MMRN1: variants seen among roughly 807,000 people sequenced by gnomAD.
The protein encoded by MMRN1 is multimerin-1.
In MMRN1, 94 loss-of-function variants were observed where a neutral mutation model predicts 100.7. The observed-to-expected ratio is 0.93, with a 90% CI of 0.79 to 1.11. The LOEUF is 1.11. MMRN1 is among the 50% of genes least tolerant of loss of function. The pLI, the probability that MMRN1 is intolerant of heterozygous loss-of-function variation, is 0.00. For synonymous variants in MMRN1, 575 were observed against 505.0 expected (o/e 1.14, Z -1.86); for missense variants, 1,606 against 1,439.1 (o/e 1.12, Z -1.88).
chr4:89,950,606 A>C (rs1267951696), intron 6 of MMRN1, among the ~76,000 whole-genome samples: 1 of 152,170 alleles, frequency 6.6e-6, no homozygotes, highest in Non-Finnish European at 1.5e-5. Flanking sequence ...ATATGCTTTA[A>C]AACTTTTAGT....
chr4:89,937,435 A>G (rs914970802), intron 6 of MMRN1, among the ~76,000 whole-genome samples: 6 of 152,116 alleles, frequency 3.9e-5, no homozygotes, highest in African/African-American at 1.4e-4. Context: ...AATATTGGCA[A>G]GAGCCATAGA....
At chr4:89,937,603 G>T (rs1722687199) in intron 6 of MMRN1, among the ~76,000 whole-genome samples, 1 of 152,002 alleles carries the variant, frequency 6.6e-6, no homozygotes, top group African/African-American at 2.4e-5. Flanking sequence ...TAGGTAAAAA[G>T]TTCACCTCTC....
chr4:89,952,577 C>G (rs1723214068), intron 7 of MMRN1, among the ~76,000 whole-genome samples: 1 of 152,164 alleles, frequency 6.6e-6, no homozygotes, highest in Non-Finnish European at 1.5e-5. Flanking sequence ...AACTGCTTGA[C>G]AAGGTGCCGG....
chr4:89,929,291 A>G (rs964367379), intron 5 of MMRN1, among the ~76,000 whole-genome samples: 1 of 152,208 alleles, frequency 6.6e-6, no homozygotes, highest in Non-Finnish European at 1.5e-5. Context: ...GATTTAAAAA[A>G]GATAAATAGG....
At chr4:89,942,802 AT>A (rs1399613679) in intron 6 of MMRN1, among the ~76,000 whole-genome samples, 1 of 152,134 alleles carries the variant, frequency 6.6e-6, no homozygotes, top group African/African-American at 2.4e-5. Context: ...ATGAAAAAAA[AT>A]GATCGCATGT....
chr4:89,903,273 A>G (rs1052041571), intron 1 of MMRN1, among the ~76,000 whole-genome samples: 1 of 151,824 alleles, frequency 6.6e-6, no homozygotes, highest in Non-Finnish European at 1.5e-5. Context: ...GAAAAAATAA[A>G]GATTTCAATA....
At chr4:89,917,676 T>C (rs1415046985) in intron 3 of MMRN1, among the ~76,000 whole-genome samples, 2 of 151,912 alleles carry the variant, frequency 1.3e-5, no homozygotes, top group African/African-American at 4.8e-5. Context: ...AGCTAAATGA[T>C]GTCCTTGTCA....
rs1578463095 is a variant in MMRN1, at chr4:89,895,116, A to G, written c.145A>G (p.Ile49Val). Residue 49 changes from isoleucine (I) to valine (V), a missense_variant, in exon 1 of 8, where the codon ATA (isoleucine) becomes GTA (valine). Physicochemically the swap from Ile to Val is conservative, Grantham distance 29. Coordinates refer to ENST00000264790, the MANE Select transcript of MMRN1 (RefSeq NM_007351.3). ...MPSASVPPNK[I>V]QSLQILPTTR... ...TTCTGCTTCAGTTCCTCCAAATAAA[A>G]TACAAAGTTTGCAAATACTGCCAAC... 6.2e-7 allele frequency: 1 copy of G among 1,613,900 alleles called. No individual in the cohort carries two copies. The highest frequency in any genetic ancestry group is 8.5e-7 in the Non-Finnish European group (1 of 1,179,904).
intron 4 of MMRN1, among the ~76,000 whole-genome samples, chr4:89,925,428 G>A (rs890606732): frequency 3.4e-5 from 5 of 145,676 alleles, no homozygotes; most frequent in Admixed American, 1.4e-4. Flanking sequence ...GACTACAGCC[G>A]TGAGCCACTG....
chr4:89,946,453 A>G (rs1351984359), intron 6 of MMRN1, among the ~76,000 whole-genome samples: 2 of 152,258 alleles, frequency 1.3e-5, no homozygotes, highest in Admixed American at 1.3e-4. Context: ...TAAAATTAAA[A>G]TAAAAGTATA....
intron 5 of MMRN1, among the ~76,000 whole-genome samples, chr4:89,934,037 T>C (rs1372434713): frequency 6.6e-6 from 1 of 152,098 alleles, no homozygotes; most frequent in Non-Finnish European, 1.5e-5. Context: ...TTTTTCATGC[T>C]ACATTTAGAG....
Position 89,936,241 on chromosome 4 carries a change from T to G in MMRN1, c.2561T>G (p.Ile854Ser). 2 of 1,603,758 alleles carry G rather than the reference T, an allele frequency of 1.2e-6. No homozygotes were observed. Among genetic ancestry groups the G allele is most frequent in the Non-Finnish European group, 1.7e-6 (2 of 1,177,264 alleles). Residue 854 changes from isoleucine to serine, a missense_variant, in exon 6 of 8, where the codon ATT becomes AGT. By Grantham distance (142) the Ile-to-Ser change is moderately radical. Transcript: ENST00000264790. ...GAAAAACTACTCTTAACTACCAAGA[T>G]TTCCAAAAATTTTGAGACTCGGTTG... ...LEEKLLLTTK[I>S]SKNFETRLQD... is the part of the protein sequence containing the mutation.
At position 89,895,595 on chromosome 4, in the gene MMRN1, G is replaced by A. The variant is rs759759352; in HGVS notation, c.623+1G>A. On this transcript the variant is annotated splice_donor_variant, in intron 1 of 7. Coordinates refer to ENST00000264790, the MANE Select transcript of MMRN1 (RefSeq NM_007351.3). LOFTEE classifies it high-confidence loss of function. ...CAAATTTCGAAACAACTAGAGGAAA[G>A]TAAGAAATCTTCTTTTCTTTTTGTT... 6.2e-7 allele frequency: 1 copy of A among 1,611,204 alleles called. No individual in the cohort carries two copies. The highest frequency in any genetic ancestry group is 8.5e-7 in the Non-Finnish European group (1 of 1,178,520).
Position 89,934,919 on chromosome 4 carries a change from A to G in MMRN1, c.1239A>G (p.Val413=), listed in dbSNP as rs771405386. The G allele has an allele frequency of 1.2e-6, 2 of 1,613,626 alleles. No homozygotes were observed. The highest frequency in any genetic ancestry group is 2.2e-5 in the East Asian group (1 of 44,860). ...QETVAQLFKT[V]SSLSEDLEST... is the part of the protein sequence containing the mutation. ...CTGTAGCACAGCTCTTCAAGACTGT[A>G]TCAAGTCTATCAGAGGACCTCGAAA... The change falls in exon 6 of 8, where the codon GTA becomes GTG. Residue 413 remains valine, a synonymous_variant. Coordinates refer to ENST00000264790, the MANE Select transcript of MMRN1 (RefSeq NM_007351.3).
intron 6 of MMRN1, 74 bp from the exon 7 acceptor site, chr4:89,951,531 C>G (rs971538568): frequency 7.2e-7 from 1 of 1,394,278 alleles, no homozygotes; most frequent in African/African-American, 1.5e-5. Flanking sequence ...TATTCTGCTG[C>G]AAACTACGAT....
upstream of MMRN1, among the ~76,000 whole-genome samples, chr4:89,892,649 C>T (rs762915226): frequency 2.6e-5 from 4 of 151,820 alleles, no homozygotes; most frequent in Non-Finnish European, 5.9e-5. Context: ...GATACAGAAC[C>T]TTTAGCCTTT....
chr4:89,895,041 A>C lies in MMRN1; in HGVS notation c.70A>C (p.Lys24Gln). 6.2e-7 allele frequency: 1 copy of C among 1,613,918 alleles called. No homozygotes were observed. The highest frequency in any genetic ancestry group is 8.5e-7 in the Non-Finnish European group (1 of 1,179,862). ...TGGGGGCATTGGGCTTAACAACAGT[A>C]AGCATTCTTGGACTATACCTGAGGA... The part of the protein sequence containing the change: ...WSGGIGLNNS[K>Q]HSWTIPEDGN... Residue 24 changes from lysine (K) to glutamine (Q), a missense_variant, in exon 1 of 8, where the codon AAG becomes CAG. By Grantham distance (53) the Lys-to-Gln change is moderately conservative. Transcript: ENST00000264790.
intron 5 of MMRN1, among the ~76,000 whole-genome samples, chr4:89,930,632 G>A (rs1483785453): frequency 6.6e-6 from 1 of 151,948 alleles, no homozygotes; most frequent in African/African-American, 2.4e-5. Flanking sequence ...AGCTTTTGAT[G>A]TCATGAGAAT....
chr4:89,889,642 C>A (rs890080838), intron 1 of MMRN1, among the ~76,000 whole-genome samples: 4 of 152,088 alleles, frequency 2.6e-5, no homozygotes, highest in Admixed American at 6.6e-5. Context: ...TGTGGCCCTG[C>A]GTGATGTGCT....
Sources: gnomAD v4.1 joint callset for allele counts (sites outside exome capture counted in the v4.1 genomes callset) on GRCh38, gnomAD v4.1.1 for gene constraint, MANE v1.5 for transcripts, NCBI Gene and HGNC (gene_info 2026-07-23, HGNC 2026-07-21) for gene names.